The following REG4 variants were observed in gnomAD, a reference collection of about 807,000 sequenced individuals.
The protein encoded by REG4 is regenerating family member 4, also known as regenerating islet-derived protein 4.
In REG4, 16 loss-of-function variants were observed where a neutral mutation model predicts 22.3. The observed-to-expected ratio is 0.72, with a 90% CI of 0.49 to 1.09. The LOEUF (loss-of-function observed/expected upper bound fraction) is 1.09. Ranked by LOEUF, REG4 falls within the 50% of genes least tolerant of loss-of-function variation. The pLI is 0.00. For synonymous variants in REG4, 71 were observed against 69.2 expected, an observed-to-expected ratio of 1.03 and a Z score of -0.13; for missense variants, 214 against 193.9, an observed-to-expected ratio of 1.10 and a Z score of -0.61.
intron 5 of REG4, among the ~76,000 whole-genome samples, chr1:119,797,545 T>G (rs1339545940): frequency 6.6e-6 from 1 of 152,226 alleles, no homozygotes; most frequent in East Asian, 1.9e-4. Flanking sequence ...AGCCCAGGCC[T>G]GCTCCAGGCC....
intron 3 of REG4, 29 bp downstream of exon 3, chr1:119,803,039 C>T: frequency 6.2e-7 from 1 of 1,611,360 alleles, no homozygotes; most frequent in Non-Finnish European, 8.5e-7. Context: ...TCTAGAAAGG[C>T]CAGGCCAAGC....
At chr1:119,798,627 T>C (rs1654005280) in intron 4 of REG4, 25 bp from the exon 5 acceptor site, 1 of 1,600,962 alleles carries the variant, frequency 6.2e-7, no homozygotes, top group African/African-American at 1.3e-5. Flanking sequence ...GATGGAGAAG[T>C]GTACAGCTCA....
At chr1:119,802,126 A>G (rs587656676) in intron 3 of REG4, 2 of 160,138 alleles carry the variant, frequency 1.2e-5, no homozygotes, top group Non-Finnish European at 2.7e-5. Flanking sequence ...AGAGTCTGGG[A>G]AACCCTTTCT....
intron 2 of REG4, among the ~76,000 whole-genome samples, chr1:119,804,616 C>G (rs7512994): frequency 6.6e-6 from 1 of 152,000 alleles, no homozygotes; most frequent in Non-Finnish European, 1.5e-5. Context: ...CATTCATAAA[C>G]ATGAACATAA....
At chr1:119,797,842 T>C (rs1320939660) in intron 5 of REG4, among the ~76,000 whole-genome samples, 1 of 152,140 alleles carries the variant, frequency 6.6e-6, no homozygotes, top group Non-Finnish European at 1.5e-5. Flanking sequence ...CCGCTCAACC[T>C]CCTGCAATGT....
chr1:119,802,137 T>TC (rs997245998), intron 3 of REG4: 1 of 166,376 alleles, frequency 6.0e-6, no homozygotes. Flanking sequence ...AACCCTTTCT[T>TC]CACTCTGTTT....
At chr1:119,809,095 A>G (rs1030063499) in intron 1 of REG4, 7 of 205,332 alleles carry the variant, frequency 3.4e-5, no homozygotes, top group Non-Finnish European at 5.8e-5. Context: ...CATAGTCTGC[A>G]TGGAGGCAAT....
intron 5 of REG4, among the ~76,000 whole-genome samples, chr1:119,795,843 G>A (rs1653923522): frequency 6.6e-6 from 1 of 152,254 alleles, no homozygotes; most frequent in Admixed American, 6.5e-5. Context: ...AAGAGAATAC[G>A]GCACAAGGCC....
At chr1:119,810,775 G>C (rs949725272) in intron 1 of REG4, among the ~76,000 whole-genome samples, 1 of 152,164 alleles carries the variant, frequency 6.6e-6, no homozygotes, top group Admixed American at 6.5e-5. Context: ...GCACTGGGCC[G>C]GGTGTGGTGG....
intron 2 of REG4, among the ~76,000 whole-genome samples, chr1:119,807,823 TC>T (rs1157421187): frequency 6.6e-6 from 1 of 152,164 alleles, no homozygotes; most frequent in African/African-American, 2.4e-5. Context: ...TCTTAGTATG[TC>T]CTTCCAAACC....
At position 119,803,133 on chromosome 1, in the gene REG4, A is replaced by T; in HGVS notation, c.100T>A (p.Trp34Arg). ...TAGCAATTGGACTTGTGGTAAAACC[A>T]TCCAGGAGCACAGCTGGGTCTCATG... ...IIMRPSCAPG[W>R]FYHKSNCYGY... The change falls in exon 3 of 6, where the codon TGG becomes AGG. Residue 34 changes from tryptophan to arginine, a missense_variant. Trp to Arg is a moderately radical substitution (Grantham distance 101, BLOSUM62 -3). Coordinates refer to ENST00000256585, the MANE Select transcript of REG4 (RefSeq NM_032044.4). 6.5e-7 allele frequency: 1 copy of T among 1,530,776 alleles called. No homozygotes were observed. The highest frequency in any genetic ancestry group is 8.8e-7 in the Non-Finnish European group (1 of 1,141,876). The allele number at this position is 1,530,776 out of a possible 1,614,324, so 94.8% of individuals were successfully genotyped here.
chr1:119,805,605 C>A (rs1220938951), intron 2 of REG4, among the ~76,000 whole-genome samples: 1 of 151,536 alleles, frequency 6.6e-6, no homozygotes, highest in Non-Finnish European at 1.5e-5. Flanking sequence ...CTCTTTCTCC[C>A]CTTTCTCTGT....
chr1:119,802,748 T>C (rs2101070670), intron 3 of REG4: 1 of 1,447,306 alleles, frequency 6.9e-7, no homozygotes, highest in East Asian at 2.5e-5. Flanking sequence ...TGTGAATTCC[T>C]CATCTTCTCT....
chr1:119,794,515 G>T lies in REG4; in HGVS notation c.*103C>A. Reference sequence around the variant, plus strand: ...TGTAGTAGGGCCCTTATCACTCTTAGTTTGCTAGGTTTCCCCTCTGAAATA... The same window carrying T: ...TGTAGTAGGGCCCTTATCACTCTTATTTTGCTAGGTTTCCCCTCTGAAATA... On this transcript the variant is annotated 3_prime_UTR_variant, in exon 6 of 6. Transcript: ENST00000256585. The T allele has an allele frequency of 9.1e-7, 1 of 1,093,220 alleles. No individual in the cohort carries two copies. Among genetic ancestry groups the T allele is most frequent in the Non-Finnish European group, 1.4e-6 (1 of 707,982 alleles). The allele number at this position is 1,093,220 out of a possible 1,614,324, so 67.7% of individuals were successfully genotyped here.
chr1:119,796,851 C>G (rs1328174972), intron 5 of REG4, among the ~76,000 whole-genome samples: 1 of 152,184 alleles, frequency 6.6e-6, no homozygotes, highest in Non-Finnish European at 1.5e-5. Flanking sequence ...TGATCATCGA[C>G]TCACAGGGAA....
rs139306321 is a variant in REG4 at position 119,796,492 on chromosome 1, C to T, written c.410-1807G>A. On this transcript the variant is annotated intron_variant, in intron 5 of 5. Coordinates refer to ENST00000256585, the MANE Select transcript of REG4 (RefSeq NM_032044.4). ...TTTCTAAAGAGTTATAAAAAAGGAA[C>T]AGCCCTGTCACAAAGAGAGAACAAG... Among the ~76,000 whole-genome samples the T allele has an allele frequency of 4.6e-5, 7 of 152,244 alleles. No individual in the cohort carries two copies. The East Asian group carries it at 1.2e-3, about 25-fold the overall frequency.
At chr1:119,805,000 A>G (rs1448721065) in intron 2 of REG4, among the ~76,000 whole-genome samples, 1 of 152,210 alleles carries the variant, frequency 6.6e-6, no homozygotes, top group Non-Finnish European at 1.5e-5. Context: ...CAGGATGGTC[A>G]TCTGCCCACG....
Position 119,794,280 on chromosome 1 carries a change from C to A in REG4, c.*338G>T. On this transcript the variant is annotated 3_prime_UTR_variant, in exon 6 of 6. Transcript: ENST00000256585. Reference sequence around the variant, plus strand: ...TAGAAGCTTACTCCTGAGTTTCTTCCTTCTGTCTTCAAATCTTTACTTCTT... The same window carrying A: ...TAGAAGCTTACTCCTGAGTTTCTTCATTCTGTCTTCAAATCTTTACTTCTT... The A allele has an allele frequency of 1.8e-6, 1 of 564,482 alleles. No homozygotes were observed. The highest frequency in any genetic ancestry group is 1.9e-5 in the African/African-American group (1 of 53,222). 35.0% of individuals were successfully genotyped at this position (564,482 alleles called of 1,614,324 possible). A position where few individuals can be genotyped will look rare whatever the true frequency, so the allele number is the denominator to read the frequency against.
intron 5 of REG4, 86 bp downstream of exon 5, chr1:119,798,411 T>A: frequency 1.0e-6 from 1 of 1,002,268 alleles, no homozygotes; most frequent in Non-Finnish European, 1.6e-6. Context: ...AGGGCAGTGG[T>A]CCCCTGTGCC....
Sources: allele counts gnomAD v4.1 joint callset (sites outside exome capture counted in the v4.1 genomes callset), GRCh38; gene constraint gnomAD v4.1.1; transcripts MANE v1.5; gene names NCBI Gene and HGNC (gene_info 2026-07-23, HGNC 2026-07-21).